The following SNAP47 variants were observed in gnomAD, a reference collection of about 807,000 sequenced individuals.
The protein encoded by SNAP47 is synaptosome associated protein 47.
In SNAP47, 20 loss-of-function variants were observed where a neutral mutation model predicts 31.4. That is an observed-to-expected ratio of 0.64 (90% CI 0.45 to 0.93). SNAP47 has a LOEUF of 0.93. SNAP47 is among the 40% of genes least tolerant of loss of function. The pLI is 0.00. For synonymous variants in SNAP47, 194 were observed against 213.4 expected (o/e 0.91, Z 0.79); for missense variants, 492 against 528.5 (o/e 0.93, Z 0.68).
intron 4 of SNAP47, chr1:227,776,353 A>C: frequency 1.0e-6 from 1 of 988,316 alleles, no homozygotes; most frequent in Non-Finnish European, 1.2e-6. Flanking sequence ...CAAAACCCAA[A>C]GCACTTTTAA....
intron 2 of SNAP47, among the ~76,000 whole-genome samples, chr1:227,751,432 G>A (rs1662345652): frequency 6.6e-6 from 1 of 152,234 alleles, no homozygotes; most frequent in South Asian, 2.1e-4. Context: ...CCCTGTGCCT[G>A]CCTGTATTCA....
At chr1:227,733,256 C>G, upstream of SNAP47, 2 of 919,858 alleles carry the variant, frequency 2.2e-6, no homozygotes, top group Non-Finnish European at 1.6e-6. Context: ...GTGGGTGAAA[C>G]AGAGGCTAGG....
chr1:227,776,444 A>G (rs980708158), intron 4 of SNAP47: 24 of 985,998 alleles, frequency 2.4e-5, no homozygotes, highest in South Asian at 4.7e-5. Flanking sequence ...CAGGGACTCA[A>G]GGAAGTCTGA....
intron 3 of SNAP47, among the ~76,000 whole-genome samples, chr1:227,764,301 C>G (rs1242357377): frequency 6.6e-6 from 1 of 152,340 alleles, no homozygotes; most frequent in Non-Finnish European, 1.5e-5. Flanking sequence ...GCCACCGCGC[C>G]CAGCAGAAAC....
At chr1:227,733,898 T>C (rs1660858606), upstream of SNAP47, 4 of 1,613,044 alleles carry the variant, frequency 2.5e-6, no homozygotes, top group Admixed American at 5.0e-5. Flanking sequence ...CCCACATCCG[T>C]GGCCTCACCA....
chr1:227,745,223 C>T (rs1661883545), intron 1 of SNAP47, among the ~76,000 whole-genome samples: 1 of 152,044 alleles, frequency 6.6e-6, no homozygotes, highest in Non-Finnish European at 1.5e-5. Flanking sequence ...ACAGAAATAC[C>T]AACGAATCAA....
chr1:227,776,607 A>C, intron 4 of SNAP47: 1 of 985,442 alleles, frequency 1.0e-6, no homozygotes, highest in Non-Finnish European at 1.2e-6. Flanking sequence ...CAGACTTCAC[A>C]TTCTCCATTC....
intron 2 of SNAP47, among the ~76,000 whole-genome samples, chr1:227,749,370 ATCCAG>A: frequency 6.6e-6 from 1 of 152,154 alleles, no homozygotes; most frequent in East Asian, 1.9e-4. Flanking sequence ...CTCAGGTTCC[ATCCAG>A]TCCCTCTTCT....
At chr1:227,733,052 G>A (rs200456264), upstream of SNAP47, 17 of 1,611,954 alleles carry the variant, frequency 1.1e-5, no homozygotes, top group Non-Finnish European at 1.4e-5. Context: ...GTGCAGGCAG[G>A]CCTGAGCCCA....
rs1664147053 is a variant in SNAP47 at position 227,776,167 on chromosome 1, C to T, written c.1114-4360C>T. ...GGGTCCCACAAGCCGCTCAGGACCA[C>T]AGAGTCTGGCCATGGGTCTGGCCAG... On this transcript the variant is annotated intron_variant, in intron 4 of 4. Coordinates refer to ENST00000617596, the MANE Select transcript of SNAP47 (RefSeq NM_053052.4). 2.6e-6 allele frequency: 3 copies of T among 1,148,606 alleles called. No homozygotes were observed. In the Admixed American group the frequency reaches 1.1e-4, roughly 43 times the overall value. 71.2% of individuals were successfully genotyped at this position (1,148,606 alleles called of 1,614,324 possible).
chr1:227,780,507 G>A lies in SNAP47; in HGVS notation c.1114-20G>A, dbSNP rs1416082023. On this transcript the variant is annotated intron_variant, in intron 4 of 4. Transcript: ENST00000617596. ...TTGCAGAGATGGCAGCCTCTGCTGT[G>A]ATCTTGTGCTTCTCCCCAGATCCTG... 1 of 1,613,376 alleles carries A rather than the reference G, an allele frequency of 6.2e-7. No individual in the cohort carries two copies. Among genetic ancestry groups the A allele is most frequent in the African/African-American group, 1.3e-5 (1 of 74,938 alleles).
chr1:227,760,158 G>A (rs1475399287), intron 3 of SNAP47, among the ~76,000 whole-genome samples: 1 of 152,202 alleles, frequency 6.6e-6, no homozygotes, highest in Non-Finnish European at 1.5e-5. Flanking sequence ...GACACAGAAA[G>A]GGCTTTCAGA....
chr1:227,736,698 T>C (rs1379108326), intron 1 of SNAP47, among the ~76,000 whole-genome samples: 1 of 145,714 alleles, frequency 6.9e-6, no homozygotes, highest in Admixed American at 6.8e-5. Flanking sequence ...TTTTTTTTTT[T>C]TTTTTTGTAG....
chr1:227,751,298 C>G (rs1468245687), intron 2 of SNAP47, among the ~76,000 whole-genome samples: 3 of 152,218 alleles, frequency 2.0e-5, no homozygotes, highest in Non-Finnish European at 4.4e-5. Flanking sequence ...CCACCCTGCG[C>G]CAGCCCCACC....
In SNAP47 at chr1:227,763,491, G is replaced by A. The variant is rs1007954642; in HGVS notation, c.989-3468G>A. Reference sequence around the variant, plus strand: ...CCAGAGCATTGGGGTGGCTGAGGTTGTCTCTGCAGTTCGTTAGTGCCAGGC... The same window carrying A: ...CCAGAGCATTGGGGTGGCTGAGGTTATCTCTGCAGTTCGTTAGTGCCAGGC... On this transcript the variant is annotated intron_variant, in intron 3 of 4. Transcript: ENST00000617596. The surrounding 1 kb of genome is among the most constrained non-coding windows in gnomAD (Gnocchi z 4.2). Among the ~76,000 whole-genome samples, 1 of 152,214 alleles carries A rather than the reference G, an allele frequency of 6.6e-6. No individual in the cohort carries two copies. Among genetic ancestry groups the A allele is most frequent in the Non-Finnish European group, 1.5e-5 (1 of 68,034 alleles).
intron 4 of SNAP47, chr1:227,768,359 C>T (rs944481214): frequency 5.8e-5 from 57 of 985,056 alleles, no homozygotes; most frequent in African/African-American, 7.0e-5. Context: ...GCCTCTGAGT[C>T]GGCAGGTGGG....
chr1:227,768,376 G>A lies in SNAP47; in HGVS notation c.1113+1293G>A, dbSNP rs76677294. ...CTCTGAGTCGGCAGGTGGGTCTGGG[G>A]CTCTGTCAGGCCCGGCCCTGTTTTT... On this transcript the variant is annotated intron_variant, in intron 4 of 4. Transcript: ENST00000617596. 3.3e-4 allele frequency: 322 copies of A among 970,660 alleles called. No homozygotes were observed. In the African/African-American group the frequency reaches 5.3e-3, roughly 16 times the overall value. The allele number at this position is 970,660 out of a possible 1,614,324, so 60.1% of individuals were successfully genotyped here.
At chr1:227,733,707 A>C, upstream of SNAP47, 1 of 1,598,972 alleles carries the variant, frequency 6.3e-7, no homozygotes, top group Non-Finnish European at 8.5e-7. Flanking sequence ...CGCCTGGTTC[A>C]TGCCTGTAGG....
chr1:227,737,146 G>A (rs1335505900), intron 1 of SNAP47, among the ~76,000 whole-genome samples: 1 of 152,212 alleles, frequency 6.6e-6, no homozygotes, highest in African/African-American at 2.4e-5. Context: ...GGGGCCATGG[G>A]GGACCCTATG....
Sources: allele counts gnomAD v4.1 joint callset (sites outside exome capture counted in the v4.1 genomes callset), GRCh38; gene constraint gnomAD v4.1.1; non-coding constraint Gnocchi (gnomAD v3.1); transcripts MANE v1.5; gene names NCBI Gene and HGNC (gene_info 2026-07-23, HGNC 2026-07-21).